Variants in GALNTL6 observed in about 807,000 individuals in gnomAD.
GALNTL6 encodes polypeptide N-acetylgalactosaminyltransferase-like 6.
GALNTL6 carries 46 observed loss-of-function variants against 73.7 expected under a neutral mutation model. The ratio of observed to expected loss-of-function variants is 0.62; its 90% CI spans 0.49 to 0.80. GALNTL6 has a LOEUF of 0.80. Ranked by LOEUF, GALNTL6 falls within the 30% of genes least tolerant of loss-of-function variation. The pLI is 0.00. For synonymous variants in GALNTL6, 259 were observed against 263.7 expected, an observed-to-expected ratio of 0.98 and a Z score of 0.17; for missense variants, 604 against 755.0, an observed-to-expected ratio of 0.80 and a Z score of 2.34.
intron 5 of GALNTL6, among the ~76,000 whole-genome samples, chr4:172,800,005 T>C (rs1190660907): frequency 6.6e-6 from 1 of 152,154 alleles, no homozygotes; most frequent in African/African-American, 2.4e-5. Flanking sequence ...CTGAGACAAG[T>C]AGGCCAGTCA....
At chr4:172,170,558 A>G (rs1386036761) in intron 2 of GALNTL6, among the ~76,000 whole-genome samples, 2 of 131,906 alleles carry the variant, frequency 1.5e-5, no homozygotes, top group Admixed American at 9.0e-5. Flanking sequence ...CACCCAGTCT[A>G]GAGTGTAGTG....
intron 2 of GALNTL6, among the ~76,000 whole-genome samples, chr4:172,222,320 GT>G (rs1188071820): frequency 7.4e-6 from 1 of 136,026 alleles, no homozygotes; most frequent in Admixed American, 7.8e-5. Context: ...CTCAAATTGT[GT>G]TCTTTATTCA....
chr4:172,913,259 T>C (rs1747311463), intron 8 of GALNTL6, among the ~76,000 whole-genome samples: 1 of 152,030 alleles, frequency 6.6e-6, no homozygotes, highest in African/African-American at 2.4e-5. Context: ...AGACCAAAGG[T>C]AGATAAAACC....
chr4:172,970,532 G>T (rs994149512), intron 10 of GALNTL6, among the ~76,000 whole-genome samples: 1 of 152,134 alleles, frequency 6.6e-6, no homozygotes, highest in Non-Finnish European at 1.5e-5. Flanking sequence ...ACATGTCCGT[G>T]TATAGGCTCT....
chr4:172,635,045 C>A (rs912023086), intron 5 of GALNTL6, among the ~76,000 whole-genome samples: 3 of 152,138 alleles, frequency 2.0e-5, no homozygotes, highest in African/African-American at 7.2e-5. Flanking sequence ...TTGAGGACTG[C>A]AAACTACTCA....
At chr4:172,802,158 A>G (rs777521517) in intron 5 of GALNTL6, among the ~76,000 whole-genome samples, 5 of 152,152 alleles carry the variant, frequency 3.3e-5, no homozygotes, top group African/African-American at 4.8e-5. Flanking sequence ...TTTATATCCC[A>G]TAAATCTGTA....
chr4:172,706,909 C>G (rs924577905), intron 5 of GALNTL6, among the ~76,000 whole-genome samples: 9 of 152,116 alleles, frequency 5.9e-5, no homozygotes, highest in Non-Finnish European at 8.8e-5. Context: ...CATTTTAGCC[C>G]AACTTCTGTT....
At chr4:172,637,756 A>G (rs1200585681) in intron 5 of GALNTL6, among the ~76,000 whole-genome samples, 4 of 152,186 alleles carry the variant, frequency 2.6e-5, no homozygotes, top group Admixed American at 6.6e-5. Context: ...CTTAAGTTCT[A>G]CATCTAGCTC....
chr4:172,038,155 A>G (rs1741988709), intron 2 of GALNTL6, among the ~76,000 whole-genome samples: 1 of 151,236 alleles, frequency 6.6e-6, no homozygotes, highest in South Asian at 2.1e-4. Flanking sequence ...TAATTTTCTC[A>G]GTCCTCTCTT....
intron 2 of GALNTL6, among the ~76,000 whole-genome samples, chr4:171,987,353 C>T (rs553294411): frequency 1.3e-5 from 2 of 152,256 alleles, no homozygotes; most frequent in South Asian, 4.1e-4. Flanking sequence ...CTAATAAAGG[C>T]TGGTCTATTA....
chr4:172,214,305 A>C (rs1257968708), intron 2 of GALNTL6, among the ~76,000 whole-genome samples: 1 of 152,018 alleles, frequency 6.6e-6, no homozygotes, highest in Admixed American at 6.6e-5. Flanking sequence ...TAAACATTAG[A>C]ATCAGTTTGT....
At chr4:171,879,660 G>A (rs568391999) in intron 2 of GALNTL6, among the ~76,000 whole-genome samples, 27 of 152,114 alleles carry the variant, frequency 1.8e-4, no homozygotes, top group Non-Finnish European at 3.7e-4. Flanking sequence ...TTAAAAAAAT[G>A]TGCTTCACAG....
At chr4:172,331,560 G>C (rs1332417640) in intron 4 of GALNTL6, among the ~76,000 whole-genome samples, 1 of 152,090 alleles carries the variant, frequency 6.6e-6, no homozygotes, top group Non-Finnish European at 1.5e-5. Flanking sequence ...CTATCCACTG[G>C]CAACCATTCT....
intron 5 of GALNTL6, among the ~76,000 whole-genome samples, chr4:172,584,075 C>A (rs1459025747): frequency 6.6e-6 from 1 of 150,384 alleles, no homozygotes; most frequent in African/African-American, 2.5e-5. Context: ...CAAAACAAGG[C>A]AACAATGATA....
intron 5 of GALNTL6, among the ~76,000 whole-genome samples, chr4:172,720,695 ATGTAGACAGCCC>A (rs1406175489): frequency 6.6e-6 from 1 of 152,250 alleles, no homozygotes; most frequent in African/African-American, 2.4e-5. Flanking sequence ...CTAATTAGGG[ATGTAGACAGCCC>A]TGTAGGATCT....
chr4:172,416,713 T>C (rs1730849791), intron 5 of GALNTL6, among the ~76,000 whole-genome samples: 1 of 152,130 alleles, frequency 6.6e-6, no homozygotes, highest in South Asian at 2.1e-4. Flanking sequence ...TTTCCTGTAA[T>C]GAATATTTTA....
At chr4:172,038,327 AT>A (rs201308209) in intron 2 of GALNTL6, among the ~76,000 whole-genome samples, 2 of 123,440 alleles carry the variant, frequency 1.6e-5, no homozygotes, top group African/African-American at 2.6e-5. Flanking sequence ...AGTTTTAAGT[AT>A]TTTTTTCTTC....
chr4:172,595,074 T>C (rs1169199599), intron 5 of GALNTL6, among the ~76,000 whole-genome samples: 3 of 152,148 alleles, frequency 2.0e-5, no homozygotes, highest in Admixed American at 1.3e-4. Context: ...TGGGTCTCTT[T>C]TATAAGTGCA....
intron 2 of GALNTL6, among the ~76,000 whole-genome samples, chr4:172,162,395 A>C (rs1028182509): frequency 6.6e-6 from 1 of 152,002 alleles, no homozygotes; most frequent in African/African-American, 2.4e-5. Context: ...CTTCTAGAGC[A>C]TTAATGTAAG....
Sources: gnomAD v4.1 joint callset for allele counts (sites outside exome capture counted in the v4.1 genomes callset) on GRCh38, gnomAD v4.1.1 for gene constraint, MANE v1.5 for transcripts, NCBI Gene and HGNC (gene_info 2026-07-23, HGNC 2026-07-21) for gene names.